Variants in GABRB1 observed in about 807,000 individuals in gnomAD.
GABRB1 encodes gamma-aminobutyric acid type A receptor subunit beta1, also known as gamma-aminobutyric acid receptor subunit beta-1.
Under a neutral mutation model 51.6 loss-of-function variants are expected in GABRB1, and 17 were observed. The ratio of observed to expected loss-of-function variants is 0.33; its 90% CI spans 0.23 to 0.49. GABRB1 has a LOEUF of 0.49. Ranked by LOEUF, GABRB1 falls within the 20% of genes least tolerant of loss-of-function variation. The pLI is 0.99. For synonymous variants in GABRB1, 247 were observed against 218.9 expected, an observed-to-expected ratio of 1.13 and a Z score of -1.14; for missense variants, 410 against 600.6, an observed-to-expected ratio of 0.68 and a Z score of 3.32.
intron 3 of GABRB1, among the ~76,000 whole-genome samples, chr4:47,132,962 A>ATTT (rs1716489460): frequency 6.6e-6 from 1 of 152,164 alleles, no homozygotes; most frequent in Non-Finnish European, 1.5e-5. Context: ...ACTCTACCAA[A>ATTT]GAGGTATCCC....
chr4:47,170,771 A>G (rs1718405632), intron 4 of GABRB1, among the ~76,000 whole-genome samples: 1 of 152,196 alleles, frequency 6.6e-6, no homozygotes. Flanking sequence ...CCGTACATAA[A>G]GAATAGGTAA....
chr4:47,125,559 C>CTTTTTTTTTTTTTTTTTTTTTTT (rs71195605), intron 3 of GABRB1, among the ~76,000 whole-genome samples: 3 of 80,696 alleles, frequency 3.7e-5, no homozygotes, highest in Non-Finnish European at 7.4e-5. Context: ...AGTATAATTT[C>CTTTTTTTTTTTTTTTTTTTTTTT]TTTTTTTTTT....
At chr4:47,191,524 A>C (rs1364846856) in intron 4 of GABRB1, among the ~76,000 whole-genome samples, 1 of 152,204 alleles carries the variant, frequency 6.6e-6, no homozygotes, top group South Asian at 2.1e-4. Flanking sequence ...ACAAATATTT[A>C]TTAAAGGTAT....
At chr4:47,147,814 A>T (rs1717240932) in intron 3 of GABRB1, among the ~76,000 whole-genome samples, 1 of 152,124 alleles carries the variant, frequency 6.6e-6, no homozygotes, top group Non-Finnish European at 1.5e-5. Flanking sequence ...AACCAAGACC[A>T]AGGTGGCTGG....
At chr4:47,306,214 G>C (rs1380674523) in intron 4 of GABRB1, among the ~76,000 whole-genome samples, 1 of 121,446 alleles carries the variant, frequency 8.2e-6, no homozygotes, top group African/African-American at 3.1e-5. Context: ...ATGTATCCCA[G>C]AACTTAAAGT....
chr4:47,117,104 G>T (rs1715528903), intron 3 of GABRB1, among the ~76,000 whole-genome samples: 2 of 152,092 alleles, frequency 1.3e-5, no homozygotes, highest in Admixed American at 6.5e-5. Flanking sequence ...AACCATATCA[G>T]CAAGCATAAT....
intron 3 of GABRB1, among the ~76,000 whole-genome samples, chr4:47,113,123 C>T (rs1449816275): frequency 3.3e-5 from 5 of 152,186 alleles, no homozygotes; most frequent in East Asian, 1.9e-4. Flanking sequence ...CAGTGGTTCG[C>T]GCCTGTAATC....
At chr4:47,377,435 G>C (rs866907629) in intron 5 of GABRB1, among the ~76,000 whole-genome samples, 2 of 152,050 alleles carry the variant, frequency 1.3e-5, no homozygotes, top group Middle Eastern at 3.4e-3. Flanking sequence ...GGTGGGGTTC[G>C]TGGTCTCGGT....
At chr4:47,296,901 C>A (rs765698299) in intron 4 of GABRB1, among the ~76,000 whole-genome samples, 5 of 152,184 alleles carry the variant, frequency 3.3e-5, no homozygotes, top group African/African-American at 9.7e-5. Flanking sequence ...GAAATTATAA[C>A]AAACTGTCTC....
chr4:47,329,594 C>CCCTCTCT, intron 5 of GABRB1, among the ~76,000 whole-genome samples: 1 of 148,088 alleles, frequency 6.8e-6, no homozygotes, highest in East Asian at 2.0e-4. Flanking sequence ...CAATACTATT[C>CCCTCTCT]CCTCTCTCTC....
intron 3 of GABRB1, among the ~76,000 whole-genome samples, chr4:47,081,820 T>C (rs1727859004): frequency 2.6e-5 from 4 of 152,148 alleles, no homozygotes; most frequent in Admixed American, 2.6e-4. Context: ...TAAGGGGCTG[T>C]GTAACAAGGC....
chr4:47,007,714 T>C (rs1173878123), intron 1 of GABRB1, among the ~76,000 whole-genome samples: 1 of 151,754 alleles, frequency 6.6e-6, no homozygotes, highest in African/African-American at 2.4e-5. Context: ...TCAATAGCAA[T>C]AGATAACCAG....
intron 5 of GABRB1, among the ~76,000 whole-genome samples, chr4:47,331,709 A>G (rs1725489236): frequency 6.6e-6 from 1 of 152,190 alleles, no homozygotes; most frequent in Non-Finnish European, 1.5e-5. Flanking sequence ...TGCTGAACTA[A>G]GGAACTTTTT....
At chr4:47,368,065 G>C (rs547854375) in intron 5 of GABRB1, among the ~76,000 whole-genome samples, 1 of 152,180 alleles carries the variant, frequency 6.6e-6, no homozygotes, top group East Asian at 1.9e-4. Context: ...GCAGCAGAAA[G>C]CTCTGGGAGT....
intron 1 of GABRB1, among the ~76,000 whole-genome samples, chr4:47,000,121 G>A: frequency 6.6e-6 from 1 of 152,042 alleles, no homozygotes; most frequent in South Asian, 2.1e-4. Context: ...TAGTGCATCA[G>A]GGAGCAAACC....
At chr4:47,012,307 T>C (rs1724605404) in intron 1 of GABRB1, among the ~76,000 whole-genome samples, 2 of 152,142 alleles carry the variant, frequency 1.3e-5, no homozygotes, top group African/African-American at 2.4e-5. Context: ...GTATTAAGCC[T>C]AGTATACATT....
intron 3 of GABRB1, among the ~76,000 whole-genome samples, chr4:47,133,433 T>C (rs887420473): frequency 6.6e-6 from 1 of 152,220 alleles, no homozygotes; most frequent in Non-Finnish European, 1.5e-5. Context: ...GCCTTGGGCA[T>C]GTGAAGTTTC....
intron 3 of GABRB1, among the ~76,000 whole-genome samples, chr4:47,108,872 A>G (rs139103947): frequency 3.7e-4 from 56 of 152,160 alleles, no homozygotes; most frequent in African/African-American, 1.2e-3. Context: ...ACAGAGCTCA[A>G]ATTATCTACC....
At chr4:47,121,262 AG>A (rs1482750008) in intron 3 of GABRB1, among the ~76,000 whole-genome samples, 7 of 152,062 alleles carry the variant, frequency 4.6e-5, no homozygotes, top group Non-Finnish European at 1.0e-4. Context: ...TTTAATGCAA[AG>A]CCCCACAATT....
Sources: allele counts gnomAD v4.1 joint callset (sites outside exome capture counted in the v4.1 genomes callset), GRCh38; gene constraint gnomAD v4.1.1; transcripts MANE v1.5; gene names NCBI Gene and HGNC (gene_info 2026-07-23, HGNC 2026-07-21).